The following USP28 variants were observed in gnomAD, a reference collection of about 807,000 sequenced individuals.
USP28 encodes the protein ubiquitin specific peptidase 28, also known as ubiquitin carboxyl-terminal hydrolase 28.
USP28 carries 113 observed loss-of-function variants against 145.0 expected under a neutral mutation model. The observed-to-expected ratio is 0.78, with a 90% CI of 0.67 to 0.91. USP28 has a LOEUF of 0.91. Among genes scored for constraint, USP28 ranks in the 40% least tolerant of loss-of-function variants. USP28 has a pLI of 0.00. For synonymous variants in USP28, 447 were observed against 450.9 expected (o/e 0.99, Z 0.11); for missense variants, 1,201 against 1,289.6 (o/e 0.93, Z 1.05).
chr11:113,831,881 T>A (rs1301773921), intron 8 of USP28, 39 bp downstream of exon 8: 1 of 1,592,002 alleles, frequency 6.3e-7, no homozygotes, highest in Non-Finnish European at 8.6e-7. Flanking sequence ...TGGCCCACTG[T>A]GAGTCGGAAG....
intron 11 of USP28, among the ~76,000 whole-genome samples, chr11:113,824,931 T>TAAAA (rs751056158): frequency 3.4e-5 from 4 of 118,402 alleles, no homozygotes; most frequent in Non-Finnish European, 5.1e-5. Context: ...AACTCCGTCT[T>TAAAA]AAAAAAAAAA....
chr11:113,867,083 T>C (rs1948342822), intron 1 of USP28, among the ~76,000 whole-genome samples: 1 of 152,178 alleles, frequency 6.6e-6, no homozygotes, highest in Non-Finnish European at 1.5e-5. Context: ...ATCTCTCTAA[T>C]ACGTAAATCT....
intron 12 of USP28, among the ~76,000 whole-genome samples, chr11:113,822,699 A>G (rs1007349305): frequency 1.3e-5 from 2 of 152,262 alleles, no homozygotes; most frequent in Non-Finnish European, 1.5e-5. Context: ...AAATACTAAC[A>G]GACTTAAAAG....
intron 4 of USP28, 32 bp from the exon 5 acceptor site, chr11:113,840,789 A>C: frequency 6.3e-7 from 1 of 1,589,560 alleles, no homozygotes; most frequent in Non-Finnish European, 8.6e-7. Flanking sequence ...ACAGCAAAAA[A>C]GAAAATAGTT....
intron 5 of USP28, among the ~76,000 whole-genome samples, chr11:113,834,986 T>C (rs1043823396): frequency 2.0e-5 from 3 of 152,162 alleles, no homozygotes; most frequent in Admixed American, 6.5e-5. Flanking sequence ...CATCCATGTG[T>C]GGTTATGACT....
intron 12 of USP28, chr11:113,822,022 A>T (rs1268225970): frequency 6.6e-6 from 1 of 152,148 alleles, no homozygotes; most frequent in African/African-American, 2.4e-5. Context: ...TGCTAAGGAA[A>T]ATGCTCCTAT....
chr11:113,800,075 T>G (rs1246217215), intron 24 of USP28, among the ~76,000 whole-genome samples: 5 of 151,802 alleles, frequency 3.3e-5, no homozygotes, highest in Non-Finnish European at 1.5e-5. Context: ...GCGCCATCTT[T>G]GCTCACTGCA....
intron 11 of USP28, 120 bp downstream of exon 11, chr11:113,827,113 G>C: frequency 7.9e-7 from 1 of 1,272,424 alleles, no homozygotes; most frequent in East Asian, 2.6e-5. Context: ...TAGACTCATA[G>C]AATCCAAATT....
chr11:113,855,912 CAATA>C lies in USP28; in HGVS notation c.58-1581_58-1578del, dbSNP rs1378019444. Among the ~76,000 whole-genome samples the C allele has an allele frequency of 2.6e-5, 4 of 152,156 alleles. No homozygotes were observed. The East Asian group carries it at 7.7e-4, about 29-fold the overall frequency. ...GGGCAACAAGAGCACAACTCCGTCT[CAATA>C]AATAAATAAATAAAGTCCTCAAAGA... On this transcript the variant is annotated intron_variant, in intron 1 of 24. Coordinates refer to ENST00000003302, the Ensembl canonical transcript of USP28.
In USP28 at chr11:113,812,506, T is replaced by C; in HGVS notation, c.1744-2A>G. 1 of 1,613,522 alleles carries C rather than the reference T, an allele frequency of 6.2e-7. No homozygotes were observed. On this transcript the variant is annotated splice_acceptor_variant, in intron 15 of 24. Coordinates refer to ENST00000003302, the Ensembl canonical transcript of USP28. LOFTEE classifies it high-confidence loss of function. ...AACTGCATGCAAGCGATAAGGCACC[T>C]GTAAGTCAGAATGTACATTCCCCAG... is the stretch of plus-strand genomic sequence containing the variant.
chr11:113,840,035 A>G (rs1247139670), intron 5 of USP28, among the ~76,000 whole-genome samples: 1 of 152,064 alleles, frequency 6.6e-6, no homozygotes, highest in East Asian at 1.9e-4. Flanking sequence ...AAAAAACAAA[A>G]AAACCTGAAC....
At chr11:113,803,333 AGGGCTTAGACCTCACTTTTCCCC>A (rs764927431) in intron 22 of USP28, 52 bp from the exon 24 acceptor site, 1 of 1,559,068 alleles carries the variant, frequency 6.4e-7, no homozygotes, top group African/African-American at 1.4e-5. Context: ...ACTAAAATCT[AGGGCTTAGACCTCACTTTTCCCC>A]ATTTCAAGAA....
chr11:113,839,899 G>A (rs1363107919), intron 5 of USP28, among the ~76,000 whole-genome samples: 7 of 152,152 alleles, frequency 4.6e-5, no homozygotes, highest in East Asian at 1.9e-4. Flanking sequence ...GTACATGCCT[G>A]TAGTCTCAGC....
At chr11:113,798,419 A>AAAAAAAGAGC (rs1938338547) in exon 25 of USP28, 1 of 152,076 alleles carries the variant, frequency 6.6e-6, no homozygotes. Flanking sequence ...TCACAGAAAA[A>AAAAAAAGAGC]AAAAAAGAGC....
At chr11:113,835,359 A>C (rs1311056837) in intron 5 of USP28, 4 of 455,840 alleles carry the variant, frequency 8.8e-6, no homozygotes, top group Admixed American at 7.1e-5. Context: ...CTTTGGAATT[A>C]GAACTAAATA....
rs541462409 is a variant in USP28, at chr11:113,823,800, T to C, written c.1188-100A>G. The C allele has an allele frequency of 3.6e-5, 32 of 882,656 alleles. No individual in the cohort carries two copies. In the South Asian group the frequency reaches 4.6e-4, roughly 13 times the overall value. 54.7% of individuals were successfully genotyped at this position (882,656 alleles called of 1,614,324 possible). A position where few individuals can be genotyped will look rare whatever the true frequency, so the allele number is the denominator to read the frequency against. ...TCAAGGAAACTTCTTCAATCAGATATAGGGCATCTATAAAAAACATACGGC... is the reference window on the plus strand; with the variant it reads ...TCAAGGAAACTTCTTCAATCAGATACAGGGCATCTATAAAAAACATACGGC... On this transcript the variant is annotated intron_variant, in intron 11 of 24. Transcript: ENST00000003302.
chr11:113,852,685 A>G (rs1946608129), intron 2 of USP28, 52 bp from the exon 3 acceptor site: 3 of 1,600,174 alleles, frequency 1.9e-6, no homozygotes, highest in African/African-American at 1.4e-5. Context: ...AGAATTTAAA[A>G]CCAGTTTTGA....
chr11:113,801,540 C>A, exon 24 of USP28: 1 of 1,608,176 alleles, frequency 6.2e-7, no homozygotes, highest in East Asian at 2.2e-5. Flanking sequence ...TCAATGGCAT[C>A]CAGATCATCC....
intron 23 of USP28, among the ~76,000 whole-genome samples, 191 bp downstream of exon 24, chr11:113,802,967 T>G: frequency 6.6e-6 from 1 of 152,170 alleles, no homozygotes; most frequent in Non-Finnish European, 1.5e-5. Flanking sequence ...CAGTTATCAT[T>G]GAAGAAGAAT....
Sources: gnomAD v4.1 joint callset for allele counts (sites outside exome capture counted in the v4.1 genomes callset) on GRCh38, gnomAD v4.1.1 for gene constraint, MANE v1.5 for transcripts, NCBI Gene and HGNC (gene_info 2026-07-23, HGNC 2026-07-21) for gene names.